Variants in ARHGEF26 observed in about 807,000 individuals in gnomAD.
ARHGEF26 encodes Rho guanine nucleotide exchange factor (GEF) 26.
Under a neutral mutation model 89.4 loss-of-function variants are expected in ARHGEF26, and 59 were observed. That is an observed-to-expected ratio of 0.66 (90% CI 0.54 to 0.82). The LOEUF (loss-of-function observed/expected upper bound fraction) is 0.82, where lower values mean the gene tolerates loss of function less well. Among genes scored for constraint, ARHGEF26 ranks in the 40% least tolerant of loss-of-function variants. ARHGEF26 has a pLI of 0.00. For synonymous variants in ARHGEF26, 500 were observed against 428.4 expected, an observed-to-expected ratio of 1.17 and a Z score of -2.06; for missense variants, 1,234 against 1,085.6, an observed-to-expected ratio of 1.14 and a Z score of -1.92.
chr3:154,121,805 C>T (rs1264909608), intron 1 of ARHGEF26, 137 bp from the exon 2 acceptor site: 7 of 765,150 alleles, frequency 9.1e-6, no homozygotes, highest in Non-Finnish European at 1.4e-5. Flanking sequence ...GCAGTTTTTG[C>T]CCGAGAAAGG....
At chr3:154,174,099 A>G (rs1300512746) in intron 6 of ARHGEF26, among the ~76,000 whole-genome samples, 1 of 152,186 alleles carries the variant, frequency 6.6e-6, no homozygotes, top group Non-Finnish European at 1.5e-5. Context: ...ACAAGTTCAA[A>G]TACCTGCCCT....
In ARHGEF26 at chr3:154,191,139, A is replaced by G. The variant is rs1033954157; in HGVS notation, c.1641-150A>G. 165 of 770,962 alleles carry G rather than the reference A, an allele frequency of 2.1e-4. 1 individual carries two copies. In the Middle Eastern group the frequency reaches 4.4e-3, roughly 20 times the overall value. The allele number at this position is 770,962 out of a possible 1,614,324, so 47.8% of individuals were successfully genotyped here. A position where few individuals can be genotyped will look rare whatever the true frequency, so the allele number is the denominator to read the frequency against. On this transcript the variant is annotated intron_variant, in intron 7 of 14. Coordinates refer to ENST00000465093, the MANE Select transcript of ARHGEF26 (RefSeq NM_015595.4). ...GGCAGACAAGCCATTCGTATTTGCCAGTGTAATTATGTGCTTATGATATTT... is the reference window on the plus strand; with the variant it reads ...GGCAGACAAGCCATTCGTATTTGCCGGTGTAATTATGTGCTTATGATATTT...
chr3:154,175,216 T>G (rs1260157683), intron 6 of ARHGEF26, among the ~76,000 whole-genome samples: 1 of 152,244 alleles, frequency 6.6e-6, no homozygotes, highest in Non-Finnish European at 1.5e-5. Context: ...CCTCTGTTCC[T>G]ACACCTGCAG....
chr3:154,215,755 CTCT>C lies in ARHGEF26; in HGVS notation c.1846-2109_1846-2107del, dbSNP rs1715679430. ...AGAGAGAAGAAGAAAGCTATCCTGT[CTCT>C]TCTTATAAGGGCACTAATCCCATTC... On this transcript the variant is annotated intron_variant, in intron 9 of 14. Transcript: ENST00000465093. Among the ~76,000 whole-genome samples the C allele has an allele frequency of 2.0e-5, 3 of 152,224 alleles. No homozygotes were observed. The South Asian group carries it at 6.2e-4, about 32-fold the overall frequency.
intron 6 of ARHGEF26, among the ~76,000 whole-genome samples, chr3:154,166,728 T>A (rs357489): frequency 0.66 from 100,775 of 152,008 alleles, 34,451 homozygotes; most frequent in South Asian, 0.78. Flanking sequence ...GCCTCAATGC[T>A]TATCCATCTG....
intron 6 of ARHGEF26, among the ~76,000 whole-genome samples, chr3:154,174,490 G>A (rs1332824799): frequency 2.6e-5 from 4 of 152,122 alleles, no homozygotes; most frequent in Non-Finnish European, 2.9e-5. Context: ...TCCTCAGAGA[G>A]CCTCTCTACA....
intron 3 of ARHGEF26, among the ~76,000 whole-genome samples, chr3:154,126,009 A>G (rs905937017): frequency 1.3e-5 from 2 of 152,172 alleles, no homozygotes; most frequent in Non-Finnish European, 1.5e-5. Flanking sequence ...GTGTGAAATG[A>G]GGTTAATAAT....
chr3:154,249,815 T>C (rs1279694494), intron 12 of ARHGEF26, among the ~76,000 whole-genome samples: 1 of 152,206 alleles, frequency 6.6e-6, no homozygotes, highest in Non-Finnish European at 1.5e-5. Context: ...GTGAACTGGC[T>C]GTGTGGTAGA....
intron 12 of ARHGEF26, among the ~76,000 whole-genome samples, chr3:154,243,835 CAACTA>C (rs778293488): frequency 1.3e-4 from 18 of 140,352 alleles, no homozygotes; most frequent in East Asian, 8.9e-4. Flanking sequence ...ATATATTTAA[CAACTA>C]AAGACGCACT....
intron 12 of ARHGEF26, among the ~76,000 whole-genome samples, chr3:154,250,187 G>A (rs1465280837): frequency 2.0e-5 from 3 of 152,098 alleles, no homozygotes; most frequent in Admixed American, 6.5e-5. Flanking sequence ...GCACCACCAC[G>A]CCCAGCTAAT....
rs546549617 is a variant in ARHGEF26 at position 154,204,937 on chromosome 3, A to G, written c.1845+10219A>G. The stretch of plus-strand genomic sequence containing the variant: ...TTATGACTTGTTTTGTGACCTAAAT[A>G]TGGACAGTTATTGAGAATGATCCAA... On this transcript the variant is annotated intron_variant, in intron 9 of 14. Coordinates refer to ENST00000465093, the MANE Select transcript of ARHGEF26 (RefSeq NM_015595.4). Among the ~76,000 whole-genome samples the G allele has an allele frequency of 2.0e-4, 30 of 152,320 alleles. 1 individual carries two copies. In the South Asian group the frequency reaches 6.0e-3, roughly 31 times the overall value.
chr3:154,193,881 C>CAGG (rs1296068241), intron 8 of ARHGEF26, among the ~76,000 whole-genome samples: 2 of 151,366 alleles, frequency 1.3e-5, no homozygotes, highest in African/African-American at 4.9e-5. Flanking sequence ...TGCTGTCACC[C>CAGG]AGGAGTGCAA....
rs1718014761 is a variant in ARHGEF26, at chr3:154,122,414, C to CGCG, written c.424_425insGGC (p.Pro141_Pro142insArg). On this transcript the variant is annotated inframe_insertion, in exon 2 of 15. Transcript: ENST00000465093. ...GTGACCTTGCCTGCGCCGCCGCCGC[C>CGCG]GCCGGTTCTGCGCCCCCCGCGGACT... 6.2e-7 allele frequency: 1 copy of CGCG among 1,610,688 alleles called. No individual in the cohort carries two copies. The highest frequency in any genetic ancestry group is 8.5e-7 in the Non-Finnish European group (1 of 1,178,868).
In ARHGEF26 at chr3:154,220,350, C is replaced by G. The variant is rs1326758732; in HGVS notation, c.1935+2392C>G. On this transcript the variant is annotated intron_variant, in intron 10 of 14. Coordinates refer to ENST00000465093, the MANE Select transcript of ARHGEF26 (RefSeq NM_015595.4). ...AGGAGTCAGCAAAGTCTACAGCTGT[C>G]ACAGTAGCTAGAAGACTATGGAAAA... 2.0e-5 allele frequency among the ~76,000 whole-genome samples: 3 copies of G among 152,226 alleles called. No individual in the cohort carries two copies. The East Asian group carries it at 5.8e-4, about 29-fold the overall frequency.
At chr3:154,224,469 T>G (rs1241192151) in intron 10 of ARHGEF26, among the ~76,000 whole-genome samples, 1 of 152,208 alleles carries the variant, frequency 6.6e-6, no homozygotes, top group Non-Finnish European at 1.5e-5. Context: ...CAGGGCAGCA[T>G]GTGCACTGAA....
At position 154,122,637 on chromosome 3, in the gene ARHGEF26, C is replaced by G. The variant is rs1484925186; in HGVS notation, c.645C>G (p.Leu215=). 3.7e-6 allele frequency: 6 copies of G among 1,613,872 alleles called. No homozygotes were observed. The highest frequency in any genetic ancestry group is 5.1e-6 in the Non-Finnish European group (6 of 1,179,890). The part of the protein sequence containing the change: ...GPQKSSSEQK[L]PLQRLPSQEN... The stretch of plus-strand genomic sequence containing the variant: ...AGAAAAGTTCTTCGGAACAAAAACT[C>G]CCCCTCCAAAGGCTGCCCTCCCAGG... The change falls in exon 2 of 15, where the codon CTC becomes CTG. Residue 215 remains leucine, a synonymous_variant. Coordinates refer to ENST00000465093, the MANE Select transcript of ARHGEF26 (RefSeq NM_015595.4).
At chr3:154,173,700 A>C (rs357479) in intron 6 of ARHGEF26, among the ~76,000 whole-genome samples, 2 of 152,134 alleles carry the variant, frequency 1.3e-5, no homozygotes, top group African/African-American at 4.8e-5. Context: ...TATTTTTGCA[A>C]TCTATTGCTT....
intron 3 of ARHGEF26, 114 bp downstream of exon 3, chr3:154,124,563 C>A: frequency 1.1e-6 from 1 of 950,512 alleles, no homozygotes. Context: ...TGTCCAACTT[C>A]TTCTCAAATT....
intron 9 of ARHGEF26, among the ~76,000 whole-genome samples, chr3:154,198,065 A>G (rs1001406026): frequency 6.6e-6 from 1 of 152,178 alleles, no homozygotes; most frequent in Non-Finnish European, 1.5e-5. Context: ...CTTTTCGTAT[A>G]ACGTATTGCT....
Sources: gnomAD v4.1 joint callset for allele counts (sites outside exome capture counted in the v4.1 genomes callset) on GRCh38, gnomAD v4.1.1 for gene constraint, MANE v1.5 for transcripts, NCBI Gene and HGNC (gene_info 2026-07-23, HGNC 2026-07-21) for gene names.